Variants in SMARCC1 observed in about 807,000 individuals in gnomAD.
The protein encoded by SMARCC1 is SWI/SNF complex subunit SMARCC1.
A neutral mutation model predicts 147.4 loss-of-function variants in SMARCC1; 43 were observed. That is an observed-to-expected ratio of 0.29 (90% CI 0.23 to 0.38). SMARCC1 has a LOEUF of 0.38. Ranked by LOEUF, SMARCC1 falls within the 10% of genes least tolerant of loss-of-function variation. The pLI is 1.00. For synonymous variants in SMARCC1, 495 were observed against 484.4 expected (o/e 1.02, Z -0.29); for missense variants, 1,119 against 1,381.1 (o/e 0.81, Z 3.01).
At chr3:47,677,939 C>A (rs2106758059) in intron 16 of SMARCC1, among the ~76,000 whole-genome samples, 1 of 151,882 alleles carries the variant, frequency 6.6e-6, no homozygotes, top group East Asian at 1.9e-4. Flanking sequence ...TCGCTTGAGG[C>A]CAGGAGATCG....
At chr3:47,627,619 G>C (rs770124867) in intron 24 of SMARCC1, among the ~76,000 whole-genome samples, 2 of 152,154 alleles carry the variant, frequency 1.3e-5, no homozygotes, top group Non-Finnish European at 2.9e-5. Context: ...TAAAGAGCTC[G>C]AGGTGCGGCT....
At chr3:47,707,738 A>G (rs2034012046) in intron 9 of SMARCC1, among the ~76,000 whole-genome samples, 2 of 152,074 alleles carry the variant, frequency 1.3e-5, no homozygotes, top group African/African-American at 4.8e-5. Flanking sequence ...AGTTAGCTGG[A>G]TGTAGGGGTG....
At chr3:47,630,262 A>G (rs1489399170) in intron 24 of SMARCC1, among the ~76,000 whole-genome samples, 1 of 152,178 alleles carries the variant, frequency 6.6e-6, no homozygotes, top group Non-Finnish European at 1.5e-5. Context: ...CACACAACCT[A>G]GATCCCTCGC....
chr3:47,595,175 TG>T (rs1158104199), intron 26 of SMARCC1, among the ~76,000 whole-genome samples: 3 of 152,194 alleles, frequency 2.0e-5, no homozygotes, highest in Non-Finnish European at 2.9e-5. Context: ...TCTCACTTTT[TG>T]GCTACTATGA....
At chr3:47,615,123 TCCC>T (rs138781786) in intron 25 of SMARCC1, among the ~76,000 whole-genome samples, 335 of 152,086 alleles carry the variant, frequency 2.2e-3, no homozygotes, top group African/African-American at 7.8e-3. Flanking sequence ...CCACTCCTAA[TCCC>T]CCCGACTCAG....
At chr3:47,701,685 G>A (rs1305545197) in intron 10 of SMARCC1, 3 of 326,374 alleles carry the variant, frequency 9.2e-6, no homozygotes, top group East Asian at 9.1e-5. Flanking sequence ...ATGGTGGCAG[G>A]CGCCTGTAAT....
At chr3:47,756,730 C>A (rs1454024531) in intron 2 of SMARCC1, among the ~76,000 whole-genome samples, 1 of 152,082 alleles carries the variant, frequency 6.6e-6, no homozygotes, top group Non-Finnish European at 1.5e-5. Flanking sequence ...TGGCTACTTT[C>A]ACACAATAGC....
At chr3:47,611,248 C>T (rs1223782837) in intron 25 of SMARCC1, among the ~76,000 whole-genome samples, 1 of 152,104 alleles carries the variant, frequency 6.6e-6, no homozygotes, top group East Asian at 1.9e-4. Context: ...CATCTCCATC[C>T]CATCATTTTG....
At chr3:47,589,356 G>A (rs754437340) in intron 27 of SMARCC1, among the ~76,000 whole-genome samples, 1 of 152,178 alleles carries the variant, frequency 6.6e-6, no homozygotes, top group Non-Finnish European at 1.5e-5. Flanking sequence ...CTTTGGGAAG[G>A]AATCCTGAAG....
chr3:47,629,179 T>C (rs751395641), intron 24 of SMARCC1, among the ~76,000 whole-genome samples: 1 of 152,142 alleles, frequency 6.6e-6, no homozygotes, highest in Non-Finnish European at 1.5e-5. Context: ...AGAGTGCAGT[T>C]AACCTTGATG....
chr3:47,762,002 G>C (rs886722186), intron 2 of SMARCC1, among the ~76,000 whole-genome samples: 7 of 152,168 alleles, frequency 4.6e-5, no homozygotes, highest in Non-Finnish European at 7.4e-5. Context: ...GCCTGGTCCA[G>C]AACTCCTGAT....
chr3:47,678,599 A>C (rs561330752), intron 15 of SMARCC1, among the ~76,000 whole-genome samples: 1 of 152,248 alleles, frequency 6.6e-6, no homozygotes, highest in Non-Finnish European at 1.5e-5. Context: ...GCAGAATTGG[A>C]AACTAACACG....
intron 10 of SMARCC1, among the ~76,000 whole-genome samples, chr3:47,705,871 A>C (rs1026218395): frequency 1.3e-5 from 2 of 152,222 alleles, no homozygotes; most frequent in African/African-American, 4.8e-5. Flanking sequence ...GGCAATGTGC[A>C]AAGGCTTTAA....
chr3:47,587,177 T>A lies in SMARCC1; in HGVS notation c.*1032A>T, dbSNP rs548794824. 1 of 152,608 alleles carries A rather than the reference T, an allele frequency of 6.6e-6. No individual in the cohort carries two copies. The highest frequency in any genetic ancestry group is 2.4e-5 in the African/African-American group (1 of 41,438). 9.5% of individuals were successfully genotyped at this position (152,608 alleles called of 1,614,324 possible). A position where few individuals can be genotyped will look rare whatever the true frequency, so the allele number is the denominator to read the frequency against. ...TAACAAGAGGTAGTTTGGGGACTTGTACCCCCAGCCATCCTAACCAAGTTT... is the reference window on the plus strand; with the variant it reads ...TAACAAGAGGTAGTTTGGGGACTTGAACCCCCAGCCATCCTAACCAAGTTT... On this transcript the variant is annotated 3_prime_UTR_variant, in exon 28 of 28. Transcript: ENST00000254480.
Position 47,720,768 on chromosome 3 carries a change from C to T in SMARCC1, c.647-33G>A. Reference sequence around the variant, plus strand: ...AGAAAAAGAAACAACTTTACTCAAACTGACAAAATAATAAAGAAACTATGA... The same window carrying T: ...AGAAAAAGAAACAACTTTACTCAAATTGACAAAATAATAAAGAAACTATGA... On this transcript the variant is annotated intron_variant, in intron 6 of 27. Transcript: ENST00000254480. The T allele has an allele frequency of 3.5e-6, 5 of 1,429,326 alleles. No homozygotes were observed. In the South Asian group the frequency reaches 4.8e-5, roughly 14 times the overall value. The allele number at this position is 1,429,326 out of a possible 1,614,324, so 88.5% of individuals were successfully genotyped here.
chr3:47,663,231 G>T (rs1040815540), intron 19 of SMARCC1, among the ~76,000 whole-genome samples: 1 of 134,802 alleles, frequency 7.4e-6, no homozygotes, highest in Non-Finnish European at 1.6e-5. Flanking sequence ...AGGAAGGAAG[G>T]AAGGAAGGAA....
At chr3:47,642,445 C>T (rs182358264) in intron 21 of SMARCC1, among the ~76,000 whole-genome samples, 11 of 152,240 alleles carry the variant, frequency 7.2e-5, no homozygotes, top group African/African-American at 1.2e-4. Flanking sequence ...CAAAAATTAG[C>T]TGGATGTGGT....
intron 19 of SMARCC1, among the ~76,000 whole-genome samples, chr3:47,670,164 T>C (rs2033476563): frequency 6.6e-6 from 1 of 152,208 alleles, no homozygotes; most frequent in Admixed American, 6.5e-5. Context: ...AATACCTAAC[T>C]ACATGGAGAC....
intron 19 of SMARCC1, among the ~76,000 whole-genome samples, chr3:47,669,069 T>C (rs1412899221): frequency 6.6e-6 from 1 of 152,214 alleles, no homozygotes; most frequent in Non-Finnish European, 1.5e-5. Context: ...AAGATGTTAG[T>C]GGTAAACACT....
Sources: gnomAD v4.1 joint callset for allele counts (sites outside exome capture counted in the v4.1 genomes callset) on GRCh38, gnomAD v4.1.1 for gene constraint, MANE v1.5 for transcripts, NCBI Gene and HGNC (gene_info 2026-07-23, HGNC 2026-07-21) for gene names.